DENND2A: variants seen among roughly 807,000 people sequenced by gnomAD.
DENND2A encodes DENN domain-containing protein 2A.
A neutral mutation model predicts 105.3 loss-of-function variants in DENND2A; 53 were observed. The ratio of observed to expected loss-of-function variants is 0.50; its 90% CI spans 0.40 to 0.63. DENND2A has a LOEUF of 0.63. Ranked by LOEUF, DENND2A falls within the 30% of genes least tolerant of loss-of-function variation. The pLI is 0.00. For synonymous variants in DENND2A, 522 were observed against 508.4 expected (o/e 1.03, Z -0.36); for missense variants, 1,138 against 1,279.6 (o/e 0.89, Z 1.69).
In DENND2A at chr7:140,565,815, G is replaced by C. The variant is rs1289626612; in HGVS notation, c.1779+1271C>G. Reference sequence around the variant, plus strand: ...CATAAAGACCTTGCTGATAAAACAGGTTGCAGTAAAGAAGCCGGCCAAAAC... The same window carrying C: ...CATAAAGACCTTGCTGATAAAACAGCTTGCAGTAAAGAAGCCGGCCAAAAC... On this transcript the variant is annotated intron_variant, in intron 9 of 19. Coordinates refer to ENST00000496613, the MANE Select transcript of DENND2A (RefSeq NM_015689.5). 2.0e-5 allele frequency among the ~76,000 whole-genome samples: 3 copies of C among 152,184 alleles called. No individual in the cohort carries two copies. The East Asian group carries it at 5.8e-4, about 29-fold the overall frequency.
chr7:140,562,157 G>A (rs1177089407), intron 9 of DENND2A, among the ~76,000 whole-genome samples: 3 of 151,914 alleles, frequency 2.0e-5, no homozygotes, highest in Non-Finnish European at 4.4e-5. Context: ...CAAAGTGTTG[G>A]GATTACAGGC....
chr7:140,578,117 T>C (rs1256273754), intron 5 of DENND2A, among the ~76,000 whole-genome samples: 1 of 152,166 alleles, frequency 6.6e-6, no homozygotes, highest in African/African-American at 2.4e-5. Context: ...GCAAAAGATC[T>C]GTAGTGTCCA....
At chr7:140,638,257 C>T (rs144165336) in intron 1 of DENND2A, among the ~76,000 whole-genome samples, 9 of 152,358 alleles carry the variant, frequency 5.9e-5, no homozygotes, top group African/African-American at 1.9e-4. Flanking sequence ...AGAAAACTTA[C>T]AGCCAAATGC....
At chr7:140,641,079 C>A (rs960348423), upstream of DENND2A, among the ~76,000 whole-genome samples, 1 of 152,170 alleles carries the variant, frequency 6.6e-6, no homozygotes, top group South Asian at 2.1e-4. Flanking sequence ...TGCTTCCGGC[C>A]TGAGGCTTAG....
intron 3 of DENND2A, among the ~76,000 whole-genome samples, chr7:140,588,766 CTTTTTTT>C (rs34456581): frequency 7.3e-6 from 1 of 136,846 alleles, no homozygotes; most frequent in Admixed American, 7.3e-5. Flanking sequence ...TTTTTTGGCA[CTTTTTTT>C]TTTTTTTTTT....
At chr7:140,535,403 C>T (rs1796420137) in intron 14 of DENND2A, among the ~76,000 whole-genome samples, 1 of 152,058 alleles carries the variant, frequency 6.6e-6, no homozygotes, top group Admixed American at 6.6e-5. Context: ...CCGTGTGCCA[C>T]ACAGTTGAAA....
In DENND2A at chr7:140,546,882, T is replaced by A. The variant is rs201053452; in HGVS notation, c.2095A>T (p.Met699Leu). 912 of 1,614,060 alleles carry A rather than the reference T, an allele frequency of 5.7e-4. No homozygotes were observed. The highest frequency in any genetic ancestry group is 7.3e-4 in the Non-Finnish European group (860 of 1,180,020). The stretch of plus-strand genomic sequence containing the variant: ...AAAGGGGCTTCCATGACACTTCTCA[T>A]GAGTGGCTGAACCAGGGCAGGAGAG... ...GISPALVQPL[M>L]RSVMEAPFPA... The change falls in exon 13 of 20, where the codon ATG (methionine) becomes TTG (leucine). Residue 699 changes from methionine to leucine, a missense_variant. Coordinates refer to ENST00000496613, the MANE Select transcript of DENND2A (RefSeq NM_015689.5).
chr7:140,590,123 C>T (rs958392307), intron 3 of DENND2A, among the ~76,000 whole-genome samples: 21 of 152,260 alleles, frequency 1.4e-4, no homozygotes, highest in African/African-American at 4.3e-4. Context: ...GGCGCGGTGG[C>T]TCATGTCTGT....
At chr7:140,531,443 G>A (rs953077374) in intron 14 of DENND2A, among the ~76,000 whole-genome samples, 4 of 152,122 alleles carry the variant, frequency 2.6e-5, no homozygotes, top group African/African-American at 9.7e-5. Flanking sequence ...TTAAAAACAA[G>A]AACAAAAAGA....
chr7:140,596,502 A>C (rs534648045), intron 3 of DENND2A, among the ~76,000 whole-genome samples: 2 of 152,328 alleles, frequency 1.3e-5, no homozygotes, highest in South Asian at 4.1e-4. Flanking sequence ...GCCCAGCCAG[A>C]GAGCTGTGGG....
At chr7:140,542,428 G>A (rs1796700990) in intron 14 of DENND2A, among the ~76,000 whole-genome samples, 1 of 152,076 alleles carries the variant, frequency 6.6e-6, no homozygotes. Flanking sequence ...CCTCACGATG[G>A]TCTGTCCTCT....
chr7:140,519,535 A>G, intron 19 of DENND2A, 97 bp downstream of exon 19: 1 of 1,050,128 alleles, frequency 9.5e-7, no homozygotes, highest in Admixed American at 1.9e-5. Flanking sequence ...GCTCTGCATT[A>G]TTCAGGGCGC....
Position 140,521,985 on chromosome 7 carries a change from G to C in DENND2A, c.2781C>G (p.Thr927=). 1.9e-6 allele frequency: 3 copies of C among 1,614,158 alleles called. No homozygotes were observed. In the Middle Eastern group the frequency reaches 4.9e-4, roughly 266 times the overall value. ...FLTSGEREER[T]LQREAFRKAV... ...CTTTGCGGAAGGCCTCCCGCTGCAG[G>C]GTTCTCTCCTCACGCTCGCCCGACG... is the stretch of plus-strand genomic sequence containing the variant. Residue 927 remains threonine (T), a synonymous_variant, in exon 18 of 20, where the codon ACC becomes ACG. Transcript: ENST00000496613.
chr7:140,580,798 G>A (rs931879398), intron 5 of DENND2A, among the ~76,000 whole-genome samples: 1 of 151,510 alleles, frequency 6.6e-6, no homozygotes, highest in Non-Finnish European at 1.5e-5. Context: ...CACTACACCT[G>A]GCTAATTTTT....
At chr7:140,638,036 G>A (rs771952116) in intron 1 of DENND2A, among the ~76,000 whole-genome samples, 1 of 152,120 alleles carries the variant, frequency 6.6e-6, no homozygotes, top group Non-Finnish European at 1.5e-5. Context: ...GTAACGGGGA[G>A]TTTTATCTTT....
chr7:140,580,607 A>G (rs564747550), intron 5 of DENND2A, among the ~76,000 whole-genome samples: 3 of 152,132 alleles, frequency 2.0e-5, no homozygotes, highest in Non-Finnish European at 4.4e-5. Context: ...GGCATGGACC[A>G]CTGCACCCAG....
intron 1 of DENND2A, among the ~76,000 whole-genome samples, chr7:140,611,954 A>G (rs1799914325): frequency 6.6e-6 from 1 of 152,150 alleles, no homozygotes; most frequent in African/African-American, 2.4e-5. Flanking sequence ...AAGATGGTGA[A>G]TGTTGGCTGA....
chr7:140,636,354 G>A (rs1800931401), intron 1 of DENND2A, among the ~76,000 whole-genome samples: 2 of 152,318 alleles, frequency 1.3e-5, no homozygotes, highest in African/African-American at 4.8e-5. Flanking sequence ...CTTCAGCAAG[G>A]TGACTGCCAG....
In DENND2A at chr7:140,523,088, C is replaced by G. The variant is rs546128418; in HGVS notation, c.2665+219G>C. Among the ~76,000 whole-genome samples, 197 of 152,230 alleles carry G rather than the reference C, an allele frequency of 1.3e-3. No individual in the cohort carries two copies. Among genetic ancestry groups the G allele is most frequent in the African/African-American group, 4.5e-3 (186 of 41,550 alleles). ...ATGCCCAGATAATTTCCACGCCCCC[C>G]TTTTAAACAGGTACTTTAAGGCCAA... On this transcript the variant is annotated intron_variant, in intron 17 of 19. Transcript: ENST00000496613. The surrounding 1 kb of genome is among the most constrained non-coding windows in gnomAD (Gnocchi z 4.5).
Sources: gnomAD v4.1 joint callset for allele counts (sites outside exome capture counted in the v4.1 genomes callset) on GRCh38, gnomAD v4.1.1 for gene constraint, Gnocchi (gnomAD v3.1) non-coding constraint, MANE v1.5 for transcripts, NCBI Gene and HGNC (gene_info 2026-07-23, HGNC 2026-07-21) for gene names.